PCDHA12: variants seen among roughly 807,000 people sequenced by gnomAD.
The protein encoded by PCDHA12 is protocadherin alpha-12.
In PCDHA12, 44 loss-of-function variants were observed where a neutral mutation model predicts 60.0. The ratio of observed to expected loss-of-function variants is 0.73; its 90% CI spans 0.58 to 0.94. The LOEUF is 0.94. Among genes scored for constraint, PCDHA12 ranks in the 40% least tolerant of loss-of-function variants. PCDHA12 has a pLI of 0.00. For missense variants in PCDHA12, 1,276 were observed against 1,239.7 expected (o/e 1.03, Z -0.44); for synonymous variants, 569 against 553.0 (o/e 1.03, Z -0.40).
chr5:140,900,563 C>G (rs1174778855), intron 1 of PCDHA12, among the ~76,000 whole-genome samples: 4 of 152,164 alleles, frequency 2.6e-5, no homozygotes, highest in Non-Finnish European at 5.9e-5. Flanking sequence ...AGGCGTGAGC[C>G]ACGGCACCGG....
chr5:140,989,653 T>A (rs1308581336), intron 3 of PCDHA12, among the ~76,000 whole-genome samples: 2 of 152,194 alleles, frequency 1.3e-5, no homozygotes, highest in African/African-American at 4.8e-5. Context: ...ATGGCAATAT[T>A]TTAAAAGAAA....
chr5:140,987,433 T>C (rs2097253895), intron 3 of PCDHA12, among the ~76,000 whole-genome samples: 1 of 152,108 alleles, frequency 6.6e-6, no homozygotes. Flanking sequence ...CAGGGGGCCT[T>C]TCCCCATGCC....
chr5:140,930,794 T>G (rs2087114829), intron 1 of PCDHA12, among the ~76,000 whole-genome samples: 1 of 152,200 alleles, frequency 6.6e-6, no homozygotes, highest in Non-Finnish European at 1.5e-5. Context: ...TATAATAGAA[T>G]CCAGCATATA....
At chr5:140,884,433 G>C in intron 1 of PCDHA12, 1 of 1,613,908 alleles carries the variant, frequency 6.2e-7, no homozygotes, top group Non-Finnish European at 8.5e-7. Context: ...ACTGCGCTGC[G>C]GTGCTCGGCA....
intron 1 of PCDHA12, chr5:140,882,030 T>G (rs1582587950): frequency 3.3e-6 from 2 of 612,804 alleles, no homozygotes; most frequent in East Asian, 5.9e-5. Flanking sequence ...CAATGGAAAA[T>G]ATGAAGACTG....
At chr5:140,993,078 A>G (rs1373767899) in intron 3 of PCDHA12, among the ~76,000 whole-genome samples, 2 of 152,212 alleles carry the variant, frequency 1.3e-5, no homozygotes, top group Non-Finnish European at 2.9e-5. Flanking sequence ...GCAGTCTGCA[A>G]TCAGCAGGGC....
chr5:140,941,673 A>T (rs1217189957), intron 1 of PCDHA12, among the ~76,000 whole-genome samples: 1 of 152,024 alleles, frequency 6.6e-6, no homozygotes, highest in Non-Finnish European at 1.5e-5. Context: ...TGTCAAGTTC[A>T]ATATTCTGTT....
rs376417721 is a variant in PCDHA12 at position 140,877,443 on chromosome 5, C to A, written c.1971C>A (p.Pro657=). 1.2e-6 allele frequency: 2 copies of A among 1,613,726 alleles called. No homozygotes were observed. Among genetic ancestry groups the A allele is most frequent in the African/African-American group, 2.7e-5 (2 of 74,926 alleles). Residue 657 remains proline (P), a synonymous_variant, in exon 1 of 4, where the codon CCC becomes CCA. Coordinates refer to ENST00000398631, the MANE Select transcript of PCDHA12 (RefSeq NM_018903.4). ...LLVLVKDHGE[P]ALTSTATVLV... ...TGCTGGTGAAGGACCACGGTGAGCC[C>A]GCGCTGACGTCCACGGCCACGGTGC...
At position 140,971,223 on chromosome 5, in the gene PCDHA12, C is replaced by T. The variant is rs904012820; in HGVS notation, c.2368-7726C>T. The stretch of plus-strand genomic sequence containing the variant: ...GACACTGTTACCCTCCCTCTCCTGA[C>T]TCAAAGCTTGGGGCAATTTGATACA... On this transcript the variant is annotated intron_variant, in intron 1 of 3. Transcript: ENST00000398631. Among the ~76,000 whole-genome samples, 3 of 152,148 alleles carry T rather than the reference C, an allele frequency of 2.0e-5. No homozygotes were observed. The South Asian group carries it at 6.2e-4, about 31-fold the overall frequency.
intron 1 of PCDHA12, among the ~76,000 whole-genome samples, chr5:140,946,631 T>TATATATATACAC (rs57893927): frequency 0.012 from 1,602 of 131,782 alleles, 27 homozygotes; most frequent in South Asian, 0.028. Flanking sequence ...TATATATATA[T>TATATATATACAC]ACAATGGAAT....
intron 3 of PCDHA12, among the ~76,000 whole-genome samples, chr5:141,005,701 CAAAA>C (rs59860837): frequency 2.6e-4 from 2 of 7,790 alleles, no homozygotes; most frequent in African/African-American, 4.7e-4. Flanking sequence ...AACTCCGTCT[CAAAA>C]AAAAAAAAAA....
chr5:140,896,260 G>A (rs1304707341), intron 1 of PCDHA12, among the ~76,000 whole-genome samples: 1 of 152,230 alleles, frequency 6.6e-6, no homozygotes, highest in African/African-American at 2.4e-5. Context: ...TATGTACACA[G>A]TTATGGGATT....
At chr5:140,886,461 A>G (rs1434440381) in intron 1 of PCDHA12, among the ~76,000 whole-genome samples, 2 of 152,116 alleles carry the variant, frequency 1.3e-5, no homozygotes, top group African/African-American at 2.4e-5. Context: ...TCATATATAA[A>G]TGTTTTTAAA....
chr5:140,968,489 C>T (rs1024952304), intron 1 of PCDHA12: 30 of 1,614,008 alleles, frequency 1.9e-5, no homozygotes, highest in Non-Finnish European at 2.5e-5. Context: ...CATGAATGAC[C>T]ATGCCCCTCA....
At chr5:140,964,792 C>T (rs183206526) in intron 1 of PCDHA12, among the ~76,000 whole-genome samples, 5 of 151,738 alleles carry the variant, frequency 3.3e-5, no homozygotes, top group African/African-American at 7.3e-5. Context: ...AAGCCAGAGA[C>T]CCAAGAAAGG....
chr5:140,876,614 C>G lies in PCDHA12; in HGVS notation c.1142C>G (p.Ala381Gly). Residue 381 changes from alanine to glycine, a missense_variant, in exon 1 of 4, where the codon GCC (alanine) becomes GGC (glycine). Ala to Gly is a moderately conservative substitution (Grantham distance 60). Transcript: ENST00000398631. The stretch of plus-strand genomic sequence containing the variant: ...AGCGTGTCGGATCGTGACTCTGGAG[C>G]CAATGGACAGGTCATCTGCTCACTG... ...LISVSDRDSG[A>G]NGQVICSLTP... The G allele has an allele frequency of 6.2e-7, 1 of 1,614,130 alleles. No homozygotes were observed. Among genetic ancestry groups the G allele is most frequent in the Non-Finnish European group, 8.5e-7 (1 of 1,180,020 alleles).
chr5:140,961,647 G>C (rs1204313600), intron 1 of PCDHA12, among the ~76,000 whole-genome samples: 10 of 152,104 alleles, frequency 6.6e-5, no homozygotes, highest in African/African-American at 2.4e-4. Flanking sequence ...AAGTCTATGT[G>C]GTTAGTTTGA....
At position 140,875,557 on chromosome 5, in the gene PCDHA12, G is replaced by C; in HGVS notation, c.85G>C (p.Gly29Arg). Residue 29 changes from glycine (G) to arginine (R), a missense_variant, in exon 1 of 4, where the codon GGC (glycine) becomes CGC (arginine). Coordinates refer to ENST00000398631, the MANE Select transcript of PCDHA12 (RefSeq NM_018903.4). ...CCTTGCAGCCTGGGAGGTGGGGAGC[G>C]GCCAGCTCCACTACTCCGTCTACGA... ...LLLAAWEVGS[G>R]QLHYSVYEEA... 5.6e-6 allele frequency: 9 copies of C among 1,614,064 alleles called. No individual in the cohort carries two copies. The highest frequency in any genetic ancestry group is 7.6e-6 in the Non-Finnish European group (9 of 1,180,028).
At chr5:140,944,406 C>A (rs1003379783) in intron 1 of PCDHA12, among the ~76,000 whole-genome samples, 1 of 152,084 alleles carries the variant, frequency 6.6e-6, no homozygotes, top group Non-Finnish European at 1.5e-5. Context: ...AGGCTGGTCT[C>A]GAACTCCTGA....
Sources: gnomAD v4.1 joint callset for allele counts (sites outside exome capture counted in the v4.1 genomes callset) on GRCh38, gnomAD v4.1.1 for gene constraint, MANE v1.5 for transcripts, NCBI Gene and HGNC (gene_info 2026-07-23, HGNC 2026-07-21) for gene names.